Variants in HNF1B observed in about 807,000 individuals in gnomAD.
HNF1B encodes the protein hepatocyte nuclear factor 1-beta.
HNF1B carries 8 observed loss-of-function variants against 61.7 expected under a neutral mutation model. The ratio of observed to expected loss-of-function variants is 0.13; its 90% CI spans 0.08 to 0.23. HNF1B has a LOEUF of 0.23. HNF1B is among the 10% of genes least tolerant of loss of function. HNF1B has a pLI of 1.00. For synonymous variants in HNF1B, 314 were observed against 287.7 expected, an observed-to-expected ratio of 1.09 and a Z score of -0.93; for missense variants, 562 against 714.5, an observed-to-expected ratio of 0.79 and a Z score of 2.43.
intron 1 of HNF1B, among the ~76,000 whole-genome samples, chr17:37,744,143 T>C (rs1397788154): frequency 1.3e-5 from 2 of 152,134 alleles, no homozygotes; most frequent in Non-Finnish European, 2.9e-5. Context: ...GCAGGAAAAA[T>C]GCGCGGCCTG....
chr17:37,700,150 G>A (rs1326101810), intron 7 of HNF1B, among the ~76,000 whole-genome samples: 3 of 152,194 alleles, frequency 2.0e-5, no homozygotes, highest in Non-Finnish European at 4.4e-5. Context: ...AGGTCTGTCT[G>A]ATCTAAGACT....
At chr17:37,717,063 CA>C (rs1396496043) in intron 4 of HNF1B, among the ~76,000 whole-genome samples, 1 of 152,130 alleles carries the variant, frequency 6.6e-6, no homozygotes, top group Non-Finnish European at 1.5e-5. Flanking sequence ...ACAAAGAAAA[CA>C]GGACCAGAAT....
At chr17:37,728,726 C>A (rs1423911739) in intron 4 of HNF1B, 1 of 152,426 alleles carries the variant, frequency 6.6e-6, no homozygotes, top group East Asian at 1.9e-4. Context: ...CAGACAGAAG[C>A]CACCCCTGAA....
At chr17:37,721,605 C>G (rs1331852281) in intron 4 of HNF1B, among the ~76,000 whole-genome samples, 1 of 152,142 alleles carries the variant, frequency 6.6e-6, no homozygotes, top group Non-Finnish European at 1.5e-5. Context: ...CCGGCTGCTT[C>G]TCTTTTCCCA....
intron 4 of HNF1B, among the ~76,000 whole-genome samples, chr17:37,725,145 T>C (rs2033456374): frequency 6.6e-6 from 1 of 152,204 alleles, no homozygotes; most frequent in Admixed American, 6.5e-5. Context: ...TCGCTTCTCA[T>C]CAAACCTTCA....
At chr17:37,697,010 A>G (rs2147436055) in intron 8 of HNF1B, among the ~76,000 whole-genome samples, 1 of 152,334 alleles carries the variant, frequency 6.6e-6, no homozygotes, top group East Asian at 1.9e-4. Flanking sequence ...GACCACAAAG[A>G]CAACAAGAGT....
intron 4 of HNF1B, among the ~76,000 whole-genome samples, chr17:37,717,049 G>A (rs911406473): frequency 1.3e-5 from 2 of 152,186 alleles, no homozygotes; most frequent in Admixed American, 6.5e-5. Context: ...GAAGAGCAAT[G>A]TCAACAAAGA....
intron 4 of HNF1B, among the ~76,000 whole-genome samples, chr17:37,727,531 G>A (rs1380743003): frequency 6.6e-6 from 1 of 152,204 alleles, no homozygotes. Context: ...ACAAAGCCAT[G>A]ACAACCCTTG....
rs371598703 is a variant in HNF1B at position 37,739,683 on chromosome 17, T to C, written c.345-44A>G. Reference sequence around the variant, plus strand: ...GGTTAGGGTACTAGTGGGAGACATCTGGGGAGAAACATTCTTTTTCTAGGG... The same window carrying C: ...GGTTAGGGTACTAGTGGGAGACATCCGGGGAGAAACATTCTTTTTCTAGGG... On this transcript the variant is annotated intron_variant, in intron 1 of 8. Transcript: ENST00000617811. 65 of 1,496,008 alleles carry C rather than the reference T, an allele frequency of 4.3e-5. No homozygotes were observed. In the African/African-American group the frequency reaches 8.4e-4, roughly 19 times the overall value. 92.7% of individuals were successfully genotyped at this position (1,496,008 alleles called of 1,614,324 possible). A position where few individuals can be genotyped will look rare whatever the true frequency, so the allele number is the denominator to read the frequency against.
chr17:37,733,509 G>C, intron 3 of HNF1B, 48 bp downstream of exon 3: 1 of 1,611,446 alleles, frequency 6.2e-7, no homozygotes, highest in Non-Finnish European at 8.5e-7. Flanking sequence ...AGGGTTCCTG[G>C]GTCTGTGTAC....
chr17:37,703,053 C>G (rs1395966653), intron 6 of HNF1B, among the ~76,000 whole-genome samples: 1 of 152,220 alleles, frequency 6.6e-6, no homozygotes, highest in Non-Finnish European at 1.5e-5. Flanking sequence ...TAATTTGTTA[C>G]CACCTTCTCC....
intron 8 of HNF1B, among the ~76,000 whole-genome samples, chr17:37,696,763 CA>C (rs1194159329): frequency 6.6e-6 from 1 of 152,062 alleles, no homozygotes; most frequent in African/African-American, 2.4e-5. Context: ...AAAACAAAAC[CA>C]AAAAAGCAGA....
At chr17:37,688,736 T>C (rs948786640) in intron 8 of HNF1B, among the ~76,000 whole-genome samples, 7 of 152,190 alleles carry the variant, frequency 4.6e-5, no homozygotes, top group Non-Finnish European at 1.0e-4. Context: ...ATGGGAGTTG[T>C]TGTGTGATTA....
chr17:37,731,336 G>C (rs572435030), intron 4 of HNF1B: 1 of 610,780 alleles, frequency 1.6e-6, no homozygotes, highest in Non-Finnish European at 3.0e-6. Context: ...GGGAGAAGAA[G>C]AGGGAAGGAG....
intron 6 of HNF1B, among the ~76,000 whole-genome samples, chr17:37,702,802 G>A (rs901433224): frequency 6.6e-6 from 1 of 152,104 alleles, no homozygotes; most frequent in African/African-American, 2.4e-5. Flanking sequence ...TCAGAGGTGG[G>A]GCCCAGGAAT....
chr17:37,697,348 A>C (rs1361357408), intron 8 of HNF1B, among the ~76,000 whole-genome samples: 1 of 152,226 alleles, frequency 6.6e-6, no homozygotes, highest in African/African-American at 2.4e-5. Context: ...AGACAATGTC[A>C]CAGCAGTTCT....
rs2034047234 is a variant in HNF1B, at chr17:37,743,061, T to A, written c.344+1480A>T. On this transcript the variant is annotated intron_variant, in intron 1 of 8. Coordinates refer to ENST00000617811, the MANE Select transcript of HNF1B (RefSeq NM_000458.4). ...CCAACTCCACGTGCTGCAGTTTATGTTACGTCTCAGCTGCGGCCAGCCCGG... is the reference window on the plus strand; with the variant it reads ...CCAACTCCACGTGCTGCAGTTTATGATACGTCTCAGCTGCGGCCAGCCCGG... Among the ~76,000 whole-genome samples, 7 of 152,168 alleles carry A rather than the reference T, an allele frequency of 4.6e-5. No homozygotes were observed. In the South Asian group the frequency reaches 1.4e-3, roughly 32 times the overall value.
chr17:37,739,777 A>C (rs1227203617), intron 1 of HNF1B, 138 bp from the exon 2 acceptor site: 4 of 792,650 alleles, frequency 5.0e-6, no homozygotes, highest in Non-Finnish European at 6.5e-6. Flanking sequence ...TGGGGTAGAC[A>C]TGAGGCCAAA....
chr17:37,744,138 A>G (rs2034089638), intron 1 of HNF1B, among the ~76,000 whole-genome samples: 1 of 152,208 alleles, frequency 6.6e-6, no homozygotes, highest in African/African-American at 2.4e-5. Context: ...AGGGCGCAGG[A>G]AAAATGCGCG....
Sources: gnomAD v4.1 joint callset for allele counts (sites outside exome capture counted in the v4.1 genomes callset) on GRCh38, gnomAD v4.1.1 for gene constraint, MANE v1.5 for transcripts, NCBI Gene and HGNC (gene_info 2026-07-23, HGNC 2026-07-21) for gene names.